The following XIRP2 variants were observed in gnomAD, a reference collection of about 807,000 sequenced individuals.
The protein encoded by XIRP2 is xin actin binding repeat containing 2, also known as xin actin-binding repeat-containing protein 2.
A neutral mutation model predicts 277.0 loss-of-function variants in XIRP2; 236 were observed. The ratio of observed to expected loss-of-function variants is 0.85; its 90% CI spans 0.77 to 0.95. The LOEUF is 0.95. Ranked by LOEUF, XIRP2 falls within the 40% of genes least tolerant of loss-of-function variation. The pLI is 0.00. For synonymous variants in XIRP2, 1,490 were observed against 1,416.5 expected (o/e 1.05, Z -1.17); for missense variants, 4,640 against 4,157.5 (o/e 1.12, Z -3.19).
Position 167,259,221 on chromosome 2 carries a change from G to T in XIRP2, c.*1404G>T, listed in dbSNP as rs575216420. 6 of 1,613,266 alleles carry T rather than the reference G, an allele frequency of 3.7e-6. No homozygotes were observed. Among genetic ancestry groups the T allele is most frequent in the South Asian group, 2.2e-5 (2 of 91,066 alleles). Reference sequence around the variant, plus strand: ...CATGTTGAAACAACAGAAGCTGCCCGCAATAATGAAAACACAGGTTTTGAT... The same window carrying T: ...CATGTTGAAACAACAGAAGCTGCCCTCAATAATGAAAACACAGGTTTTGAT... On this transcript the variant is annotated 3_prime_UTR_variant, in exon 11 of 11. Transcript: ENST00000409195.
chr2:166,917,087 C>G (rs1205836807), intron 2 of XIRP2, among the ~76,000 whole-genome samples: 1 of 152,056 alleles, frequency 6.6e-6, no homozygotes, highest in East Asian at 1.9e-4. Context: ...CTTCTGTTTT[C>G]TCATCTATAA....
At chr2:167,215,411 T>C (rs1694214095) in intron 4 of XIRP2, among the ~76,000 whole-genome samples, 2 of 152,230 alleles carry the variant, frequency 1.3e-5, no homozygotes, top group Admixed American at 6.5e-5. Flanking sequence ...GTTATTAACT[T>C]AGTAAAGCAA....
intron 2 of XIRP2, among the ~76,000 whole-genome samples, chr2:167,025,977 G>C (rs756828077): frequency 2.0e-5 from 3 of 152,072 alleles, no homozygotes; most frequent in Non-Finnish European, 2.9e-5. Context: ...AGGTCTGCTT[G>C]GTGCAAAACT....
At chr2:167,046,123 T>G (rs1688782079) in intron 2 of XIRP2, among the ~76,000 whole-genome samples, 1 of 152,116 alleles carries the variant, frequency 6.6e-6, no homozygotes, top group Non-Finnish European at 1.5e-5. Flanking sequence ...TGGTGGCTAT[T>G]ATGCATGGAA....
In XIRP2 at chr2:167,090,338, A is replaced by G. The variant is rs1420767355; in HGVS notation, c.409-45571A>G. 2.6e-5 allele frequency among the ~76,000 whole-genome samples: 4 copies of G among 152,042 alleles called. No individual in the cohort carries two copies. In the East Asian group the frequency reaches 7.8e-4, roughly 30 times the overall value. The stretch of plus-strand genomic sequence containing the variant: ...GTAGTTTATATTGATGTCCTATAAG[A>G]CATTATTATTTTTATTTTAAGCAGT... On this transcript the variant is annotated intron_variant, in intron 2 of 10. Transcript: ENST00000409195.
At chr2:166,924,805 A>G (rs1175081039) in intron 2 of XIRP2, among the ~76,000 whole-genome samples, 1 of 152,086 alleles carries the variant, frequency 6.6e-6, no homozygotes, top group Non-Finnish European at 1.5e-5. Flanking sequence ...TTTAAGAGTA[A>G]TGGGAGAATA....
chr2:167,071,942 G>A lies in XIRP2; in HGVS notation c.409-63967G>A, dbSNP rs150340765. Among the ~76,000 whole-genome samples the A allele has an allele frequency of 2.5e-3, 375 of 152,242 alleles. 2 individuals are homozygous for A. The highest frequency in any genetic ancestry group is 8.6e-3 in the African/African-American group (356 of 41,562). ...GCAGCTAGCATCACCCTACAGGTGGGGAGATAACCTTGCTCATAAATATTT... is the reference window on the plus strand; with the variant it reads ...GCAGCTAGCATCACCCTACAGGTGGAGAGATAACCTTGCTCATAAATATTT... On this transcript the variant is annotated intron_variant, in intron 2 of 10. Transcript: ENST00000409195.
At chr2:167,106,870 C>T (rs1690632113) in intron 2 of XIRP2, among the ~76,000 whole-genome samples, 1 of 151,232 alleles carries the variant, frequency 6.6e-6, no homozygotes, top group African/African-American at 2.4e-5. Flanking sequence ...GTAGTTTTAG[C>T]ATAGAAGTCC....
At chr2:167,213,667 G>A (rs1573963446) in intron 4 of XIRP2, among the ~76,000 whole-genome samples, 1 of 152,142 alleles carries the variant, frequency 6.6e-6, no homozygotes, top group Admixed American at 6.5e-5. Context: ...GATATTTAGA[G>A]CATGACACTA....
At chr2:167,225,328 T>C (rs770577984) in intron 5 of XIRP2, among the ~76,000 whole-genome samples, 4 of 152,298 alleles carry the variant, frequency 2.6e-5, no homozygotes, top group Admixed American at 2.6e-4. Flanking sequence ...TTGATTTTTT[T>C]CAATGCTTAC....
rs770797482 is a variant in XIRP2, at chr2:167,249,410, G to C, written c.8018G>C (p.Cys2673Ser). 5.6e-6 allele frequency: 9 copies of C among 1,613,738 alleles called. No individual in the cohort carries two copies. In the South Asian group the frequency reaches 9.9e-5, roughly 18 times the overall value. ...SRDIMQSKSACEIKQSHQECS... is the reference protein window; with the variant it reads ...SRDIMQSKSASEIKQSHQECS... ...GACATTATGCAATCCAAATCAGCTT[G>C]CGAAATTAAACAAAGTCACCAAGAA... The change falls in exon 9 of 11, where the codon TGC becomes TCC. Residue 2673 changes from cysteine (C) to serine (S), a missense_variant. By Grantham distance (112) the Cys-to-Ser change is moderately radical. Coordinates refer to ENST00000409195, the MANE Select transcript of XIRP2 (RefSeq NM_152381.6).
At chr2:167,084,051 C>G (rs7606262) in intron 2 of XIRP2, among the ~76,000 whole-genome samples, 6 of 151,764 alleles carry the variant, frequency 4.0e-5, no homozygotes, top group Admixed American at 6.6e-5. Context: ...AGTTTTTGCC[C>G]ATTCAGTATG....
At chr2:167,115,678 G>A (rs1468191451) in intron 2 of XIRP2, among the ~76,000 whole-genome samples, 1 of 152,114 alleles carries the variant, frequency 6.6e-6, no homozygotes, top group East Asian at 1.9e-4. Context: ...GGATGCTGCT[G>A]ACCATGGGGT....
At chr2:167,190,544 A>G (rs1326363552) in intron 3 of XIRP2, among the ~76,000 whole-genome samples, 1 of 152,204 alleles carries the variant, frequency 6.6e-6, no homozygotes, top group Non-Finnish European at 1.5e-5. Context: ...CTCCTTTGAC[A>G]TGATACCTAT....
At chr2:167,130,943 T>A (rs1277663236) in intron 2 of XIRP2, among the ~76,000 whole-genome samples, 2 of 152,072 alleles carry the variant, frequency 1.3e-5, no homozygotes, top group African/African-American at 2.4e-5. Context: ...GAGTTAATAT[T>A]ACCAACTTCA....
In XIRP2 at chr2:167,258,896, A is replaced by G. The variant is rs142421057; in HGVS notation, c.*1079A>G. On this transcript the variant is annotated 3_prime_UTR_variant, in exon 11 of 11. Coordinates refer to ENST00000409195, the MANE Select transcript of XIRP2 (RefSeq NM_152381.6). ...ACTAGCAATGGCTCTGAAGAAACAGACTGACAGAGCAGCTGCTGGCAGTCC... is the reference window on the plus strand; with the variant it reads ...ACTAGCAATGGCTCTGAAGAAACAGGCTGACAGAGCAGCTGCTGGCAGTCC... 1.4e-5 allele frequency: 22 copies of G among 1,613,002 alleles called. No individual in the cohort carries two copies. The Admixed American group carries it at 1.7e-4, about 12-fold the overall frequency.
chr2:166,909,544 C>A (rs953139743), intron 2 of XIRP2, among the ~76,000 whole-genome samples: 4 of 152,194 alleles, frequency 2.6e-5, no homozygotes, highest in Admixed American at 6.5e-5. Flanking sequence ...TCTAGATATA[C>A]AATCAGGTCA....
At chr2:167,186,944 T>C (rs1693173176) in intron 3 of XIRP2, among the ~76,000 whole-genome samples, 1 of 152,090 alleles carries the variant, frequency 6.6e-6, no homozygotes, top group African/African-American at 2.4e-5. Context: ...AGAAAAGCAA[T>C]GTCTCCTCTT....
intron 3 of XIRP2, among the ~76,000 whole-genome samples, chr2:167,175,835 C>A (rs1692826319): frequency 6.7e-6 from 1 of 150,046 alleles, no homozygotes; most frequent in Non-Finnish European, 1.5e-5. Context: ...AGATGCCCTG[C>A]CCCAAGAGGA....
Sources: gnomAD v4.1 joint callset for allele counts (sites outside exome capture counted in the v4.1 genomes callset) on GRCh38, gnomAD v4.1.1 for gene constraint, MANE v1.5 for transcripts, NCBI Gene and HGNC (gene_info 2026-07-23, HGNC 2026-07-21) for gene names.